Variants in KDM4C observed in about 807,000 individuals in gnomAD.
KDM4C encodes the protein lysine-specific demethylase 4C.
A neutral mutation model predicts 129.3 loss-of-function variants in KDM4C; 81 were observed. The observed-to-expected ratio is 0.63, with a 90% CI of 0.52 to 0.75. KDM4C has a LOEUF of 0.75. Among genes scored for constraint, KDM4C ranks in the 30% least tolerant of loss-of-function variants. The pLI is 0.00. For synonymous variants in KDM4C, 573 were observed against 456.1 expected, an observed-to-expected ratio of 1.26 and a Z score of -3.26; for missense variants, 1,457 against 1,304.0, an observed-to-expected ratio of 1.12 and a Z score of -1.81.
At chr9:6,726,726 C>T (rs1817144643) in intron 1 of KDM4C, 1 of 152,110 alleles carries the variant, frequency 6.6e-6, no homozygotes, top group Admixed American at 6.6e-5. Flanking sequence ...ATCTTTTTAT[C>T]CATTTTTGGG....
At chr9:6,858,714 G>T (rs1187189469) in intron 5 of KDM4C, among the ~76,000 whole-genome samples, 4 of 151,704 alleles carry the variant, frequency 2.6e-5, no homozygotes, top group African/African-American at 7.3e-5. Context: ...GGAGGTTTCA[G>T]TGAGCCAACA....
chr9:6,916,133 G>A lies in KDM4C; in HGVS notation c.921+22901G>A, dbSNP rs193143138. Among the ~76,000 whole-genome samples, 4 of 152,264 alleles carry A rather than the reference G, an allele frequency of 2.6e-5. No homozygotes were observed. In the East Asian group the frequency reaches 7.7e-4, roughly 29 times the overall value. On this transcript the variant is annotated intron_variant, in intron 8 of 21. Coordinates refer to ENST00000381309, the MANE Select transcript of KDM4C (RefSeq NM_015061.6). Reference sequence around the variant, plus strand: ...TGAGTAAAGATGGGGGCTAGATGTGGTAAGGTGTTTTTGACAGTCACTTCT... The same window carrying A: ...TGAGTAAAGATGGGGGCTAGATGTGATAAGGTGTTTTTGACAGTCACTTCT...
chr9:6,735,186 G>A (rs190979323), intron 1 of KDM4C: 64 of 215,608 alleles, frequency 3.0e-4, no homozygotes, highest in Non-Finnish European at 5.4e-4. Flanking sequence ...TGCTTAGTGT[G>A]AAATTGGCTC....
At chr9:6,772,559 C>T (rs1822091311) in intron 1 of KDM4C, among the ~76,000 whole-genome samples, 1 of 152,174 alleles carries the variant, frequency 6.6e-6, no homozygotes. Flanking sequence ...CAGGGTTTAT[C>T]CATGTTGGTC....
intron 1 of KDM4C, among the ~76,000 whole-genome samples, chr9:6,788,701 C>T (rs535428448): frequency 2.0e-5 from 3 of 152,142 alleles, no homozygotes; most frequent in Non-Finnish European, 2.9e-5. Context: ...GGTGGCGAGC[C>T]GGCATTTCCC....
At chr9:7,019,741 T>TA (rs1824390067) in intron 15 of KDM4C, among the ~76,000 whole-genome samples, 1 of 124,886 alleles carries the variant, frequency 8.0e-6, no homozygotes. Context: ...TATATAAAAA[T>TA]ATAATATTTT....
At chr9:7,089,051 G>A (rs1452039455) in intron 17 of KDM4C, among the ~76,000 whole-genome samples, 3 of 152,060 alleles carry the variant, frequency 2.0e-5, no homozygotes, top group South Asian at 4.2e-4. Flanking sequence ...AAAAAAAATC[G>A]AGATGAGTTA....
At chr9:7,096,586 C>T (rs1836464389) in intron 17 of KDM4C, among the ~76,000 whole-genome samples, 1 of 152,186 alleles carries the variant, frequency 6.6e-6, no homozygotes, top group South Asian at 2.1e-4. Flanking sequence ...ACTACATATT[C>T]CCTACCTGGG....
rs186468976 is a variant in KDM4C at position 6,803,067 on chromosome 9, A to G, written c.145-2532A>G. On this transcript the variant is annotated intron_variant, in intron 2 of 21. Transcript: ENST00000381309. ...AAAGCCCAGCAATGAAGTCATTGCC[A>G]TAAACACCGTAATTGTGGTTACCTC... is the stretch of plus-strand genomic sequence containing the variant. 2.4e-4 allele frequency among the ~76,000 whole-genome samples: 36 copies of G among 152,336 alleles called. 1 individual carries two copies. Among genetic ancestry groups the G allele is most frequent in the African/African-American group, 6.7e-4 (28 of 41,566 alleles).
At chr9:6,928,957 AC>A (rs1823147296) in intron 8 of KDM4C, among the ~76,000 whole-genome samples, 1 of 151,954 alleles carries the variant, frequency 6.6e-6, no homozygotes, top group African/African-American at 2.4e-5. Context: ...CACTACCCAC[AC>A]CCTTGTGCTT....
chr9:6,926,969 A>G (rs562236792), intron 8 of KDM4C, among the ~76,000 whole-genome samples: 1 of 152,326 alleles, frequency 6.6e-6, no homozygotes, highest in South Asian at 2.1e-4. Flanking sequence ...ATTATTTATT[A>G]GATGGAGGGA....
chr9:6,748,920 A>G, intron 1 of KDM4C: 1 of 920,728 alleles, frequency 1.1e-6, no homozygotes, highest in Non-Finnish European at 1.8e-6. Flanking sequence ...GTATCTGAAG[A>G]TGAGGTTGAT....
At chr9:6,825,828 T>C (rs747383738) in intron 4 of KDM4C, among the ~76,000 whole-genome samples, 160 of 152,280 alleles carry the variant, frequency 1.1e-3, no homozygotes, top group Non-Finnish European at 1.4e-3. Flanking sequence ...CTGTCTCTCT[T>C]AAGACAAGGT....
At chr9:6,783,446 G>C (rs1479073773) in intron 1 of KDM4C, among the ~76,000 whole-genome samples, 4 of 152,172 alleles carry the variant, frequency 2.6e-5, no homozygotes, top group African/African-American at 9.7e-5. Context: ...TAGCAGACTG[G>C]ACTGAGATTC....
At chr9:6,925,851 A>C (rs1377644349) in intron 8 of KDM4C, among the ~76,000 whole-genome samples, 2 of 152,094 alleles carry the variant, frequency 1.3e-5, no homozygotes, top group Non-Finnish European at 2.9e-5. Flanking sequence ...TGAAGTTTAA[A>C]GTTTGTATTT....
chr9:6,895,308 C>T (rs914770909), intron 8 of KDM4C, among the ~76,000 whole-genome samples: 1 of 152,190 alleles, frequency 6.6e-6, no homozygotes, highest in African/African-American at 2.4e-5. Flanking sequence ...GGGAAGAATT[C>T]ATTTCCTTGC....
intron 5 of KDM4C, among the ~76,000 whole-genome samples, chr9:6,856,543 T>TGCGC (rs1447327778): frequency 7.6e-5 from 8 of 104,786 alleles, no homozygotes; most frequent in African/African-American, 2.6e-4. Context: ...TGTGTGCGTG[T>TGCGC]GTGTGTGTGT....
At chr9:7,135,682 G>A (rs1269977294) in intron 19 of KDM4C, among the ~76,000 whole-genome samples, 1 of 152,196 alleles carries the variant, frequency 6.6e-6, no homozygotes, top group African/African-American at 2.4e-5. Flanking sequence ...TGACATGGAT[G>A]TTCTGGAGGC....
chr9:7,120,133 G>A (rs1034121870), intron 18 of KDM4C, among the ~76,000 whole-genome samples: 1 of 151,522 alleles, frequency 6.6e-6, no homozygotes, highest in African/African-American at 2.4e-5. Flanking sequence ...CACTGCTGTA[G>A]AATGCTCATC....
Sources: allele counts gnomAD v4.1 joint callset (sites outside exome capture counted in the v4.1 genomes callset), GRCh38; gene constraint gnomAD v4.1.1; transcripts MANE v1.5; gene names NCBI Gene and HGNC (gene_info 2026-07-23, HGNC 2026-07-21).